Variants in ABTB3 observed in about 807,000 individuals in gnomAD.
ABTB3 encodes ankyrin repeat and BTB domain containing 3, also known as ankyrin repeat- and BTB/POZ domain-containing protein 3.
chr12:107,604,877 A>G, the ABTB3 span, among the ~76,000 whole-genome samples: 1 of 152,236 alleles, frequency 6.6e-6, no homozygotes, highest in South Asian at 2.1e-4. Flanking sequence ...CTATCAACAG[A>G]TGAATGGATA....
chr12:107,464,218 T>A, the ABTB3 span, among the ~76,000 whole-genome samples: 3 of 70,264 alleles, frequency 4.3e-5, no homozygotes, highest in Admixed American at 4.3e-4. Context: ...TGTGTGTGTG[T>A]GTGTGTGTGT....
the ABTB3 span, among the ~76,000 whole-genome samples, chr12:107,351,654 C>A: frequency 8.0e-3 from 1,214 of 152,274 alleles, 15 homozygotes; most frequent in African/African-American, 0.028. Context: ...CTCTCTTGCA[C>A]TGTCTCTCCT....
At chr12:107,325,290 G>A in the ABTB3 span, among the ~76,000 whole-genome samples, 1 of 152,174 alleles carries the variant, frequency 6.6e-6, no homozygotes, top group Non-Finnish European at 1.5e-5. Context: ...CCGTTTTCCT[G>A]TCCCTAAACT....
At chr12:107,354,799 G>A in the ABTB3 span, among the ~76,000 whole-genome samples, 1 of 152,008 alleles carries the variant, frequency 6.6e-6, no homozygotes, top group African/African-American at 2.4e-5. Flanking sequence ...CATCCTCGTG[G>A]GTGTGAAGTG....
chr12:107,558,926 C>T, the ABTB3 span, among the ~76,000 whole-genome samples: 22 of 141,858 alleles, frequency 1.6e-4, no homozygotes, highest in Admixed American at 4.3e-4. Context: ...CCAGAGCCTG[C>T]GTCCTCTTGC....
chr12:107,529,649 A>C, the ABTB3 span, among the ~76,000 whole-genome samples: 1 of 152,242 alleles, frequency 6.6e-6, no homozygotes, highest in African/African-American at 2.4e-5. Context: ...ATGAAGGTTA[A>C]GTACTTTATA....
chr12:107,569,805 A>C, the ABTB3 span, among the ~76,000 whole-genome samples: 1 of 152,210 alleles, frequency 6.6e-6, no homozygotes, highest in Non-Finnish European at 1.5e-5. Flanking sequence ...GGAAGTAAAA[A>C]ATCCAGGGCA....
At chr12:107,586,956 T>A in the ABTB3 span, among the ~76,000 whole-genome samples, 1 of 151,986 alleles carries the variant, frequency 6.6e-6, no homozygotes, top group African/African-American at 2.4e-5. Context: ...ATGTATCAGG[T>A]GGAGAAGGTG....
the ABTB3 span, among the ~76,000 whole-genome samples, chr12:107,375,818 A>G: frequency 6.6e-6 from 1 of 151,976 alleles, no homozygotes; most frequent in African/African-American, 2.4e-5. Flanking sequence ...TAGGAATCCT[A>G]TACCCTTCAC....
At chr12:107,552,042 G>A in the ABTB3 span, among the ~76,000 whole-genome samples, 1 of 152,130 alleles carries the variant, frequency 6.6e-6, no homozygotes, top group East Asian at 1.9e-4. Flanking sequence ...GTGAGCCACC[G>A]TGCCCAGCCA....
At chr12:107,544,126 C>T in the ABTB3 span, 1 of 1,614,024 alleles carries the variant, frequency 6.2e-7, no homozygotes, top group Non-Finnish European at 8.5e-7. Context: ...CAAAGTCAAC[C>T]TCCAGGTGGA....
At chr12:107,408,603 T>C in the ABTB3 span, among the ~76,000 whole-genome samples, 1 of 152,216 alleles carries the variant, frequency 6.6e-6, no homozygotes, top group African/African-American at 2.4e-5. Flanking sequence ...CTTACATAAA[T>C]CTGTGATTTC....
chr12:107,573,576 T>G, the ABTB3 span, among the ~76,000 whole-genome samples: 1 of 152,132 alleles, frequency 6.6e-6, no homozygotes, highest in African/African-American at 2.4e-5. Context: ...ACACATATAT[T>G]ACTGGTTTTG....
chr12:107,353,430 A>C, the ABTB3 span, among the ~76,000 whole-genome samples: 1 of 152,290 alleles, frequency 6.6e-6, no homozygotes, highest in East Asian at 1.9e-4. Context: ...GGGATCTGGG[A>C]TCAGACAGAA....
the ABTB3 span, among the ~76,000 whole-genome samples, chr12:107,408,223 A>G: frequency 6.6e-6 from 1 of 152,210 alleles, no homozygotes; most frequent in Admixed American, 6.5e-5. Flanking sequence ...AAAGGAGAGA[A>G]AGGCAGAGAA....
At chr12:107,553,598 T>C in the ABTB3 span, among the ~76,000 whole-genome samples, 11 of 151,886 alleles carry the variant, frequency 7.2e-5, no homozygotes, top group Non-Finnish European at 1.2e-4. Flanking sequence ...GGAAGGAAGG[T>C]TGAGAGACTT....
the ABTB3 span, chr12:107,657,533 G>C: frequency 6.2e-7 from 1 of 1,614,144 alleles, no homozygotes; most frequent in Non-Finnish European, 8.5e-7. Flanking sequence ...AGAGCTCTCA[G>C]CATATTGCGA....
chr12:107,354,249 A>G, the ABTB3 span, among the ~76,000 whole-genome samples: 1 of 152,140 alleles, frequency 6.6e-6, no homozygotes, highest in Admixed American at 6.5e-5. Context: ...TTCACATACC[A>G]TACAGTTCAC....
chr12:107,520,727 G>T, the ABTB3 span: 1 of 1,517,210 alleles, frequency 6.6e-7, no homozygotes, highest in East Asian at 2.3e-5. Context: ...CAACCCCTCA[G>T]GGCACTATTT....
Sources: gnomAD v4.1 joint callset for allele counts (sites outside exome capture counted in the v4.1 genomes callset) on GRCh38, gnomAD v4.1.1 for gene constraint, MANE v1.5 for transcripts, NCBI Gene and HGNC (gene_info 2026-07-23, HGNC 2026-07-21) for gene names.